Variants in ZNF90 observed in about 807,000 individuals in gnomAD.
The protein encoded by ZNF90 is zinc finger protein 90, also known as zinc finger protein HTF9.
Under a neutral mutation model 12.0 loss-of-function variants are expected in ZNF90, and 11 were observed. The ratio of observed to expected loss-of-function variants is 0.92; its 90% confidence interval spans 0.58 to 1.52. ZNF90 has a LOEUF of 1.52. ZNF90 is among the 40% of genes most tolerant of loss of function. The probability of loss-of-function intolerance (pLI) is 0.00; values close to 1 mark genes in which losing one functional copy is unlikely to be tolerated. For missense variants in ZNF90, 765 were observed against 711.5 expected (o/e 1.08, Z -0.86); for synonymous variants, 232 against 240.1 (o/e 0.97, Z 0.31).
rs186923748 is a variant in ZNF90, at chr19:20,091,872, C to T, written c.4-12367C>T. 3.9e-4 allele frequency among the ~76,000 whole-genome samples: 60 copies of T among 152,248 alleles called. No individual in the cohort carries two copies. In the East Asian group the frequency reaches 0.01, roughly 26 times the overall value. On this transcript the variant is annotated intron_variant, in intron 1 of 3. Transcript: ENST00000418063. Reference sequence around the variant, plus strand: ...AGGGCTTGAGTTAAGGTAACTAGTTCGGCTTGCTGAGAGGTAGTGGAGGGA... The same window carrying T: ...AGGGCTTGAGTTAAGGTAACTAGTTTGGCTTGCTGAGAGGTAGTGGAGGGA...
At chr19:20,117,382 CTT>C (rs2089147801) in intron 3 of ZNF90, among the ~76,000 whole-genome samples, 1 of 126,312 alleles carries the variant, frequency 7.9e-6, no homozygotes, top group Admixed American at 7.9e-5. Context: ...TTTTTCCTTT[CTT>C]TTCTTTTCTT....
Position 20,078,125 on chromosome 19 carries a change from G to A in ZNF90, c.-8G>A, listed in dbSNP as rs573066169. 5 of 1,614,036 alleles carry A rather than the reference G, an allele frequency of 3.1e-6. No homozygotes were observed. Among genetic ancestry groups the A allele is most frequent in the Non-Finnish European group, 2.5e-6 (3 of 1,180,026 alleles). ...ATCCACAGCTGAGGGACCCCCGGAA[G>A]CCTAGAAATGGTGAGAGTGCCTTTC... On this transcript the variant is annotated 5_prime_UTR_variant, in exon 1 of 4. Transcript: ENST00000418063.
chr19:20,094,504 G>A (rs962969510), intron 1 of ZNF90, among the ~76,000 whole-genome samples: 3 of 152,156 alleles, frequency 2.0e-5, no homozygotes, highest in Non-Finnish European at 4.4e-5. Context: ...TAACAGCTTT[G>A]TAAGCTGCTT....
intron 1 of ZNF90, among the ~76,000 whole-genome samples, chr19:20,091,514 T>C (rs1486103525): frequency 6.6e-6 from 1 of 151,312 alleles, no homozygotes; most frequent in African/African-American, 2.4e-5. Flanking sequence ...CGTGGGGGAG[T>C]AGGTGGGAGT....
intron 1 of ZNF90, among the ~76,000 whole-genome samples, chr19:20,088,356 T>C (rs1424705055): frequency 6.6e-6 from 1 of 151,904 alleles, no homozygotes; most frequent in Non-Finnish European, 1.5e-5. Flanking sequence ...AGAAGAAACA[T>C]TTGTCGTATA....
rs2089186586 is a variant in ZNF90, at chr19:20,120,556, G to A, written c.*1196G>A. Among the ~76,000 whole-genome samples, 1 of 151,932 alleles carries A rather than the reference G, an allele frequency of 6.6e-6. No individual in the cohort carries two copies. The highest frequency in any genetic ancestry group is 2.4e-5 in the African/African-American group (1 of 41,376). On this transcript the variant is annotated 3_prime_UTR_variant, in exon 4 of 4. Transcript: ENST00000418063. The stretch of plus-strand genomic sequence containing the variant: ...ACTACAGCTTAGAAAACACCAGAGA[G>A]TTGATACTAAAATATATGTTTGCAG...
intron 1 of ZNF90, among the ~76,000 whole-genome samples, chr19:20,078,671 C>G (rs1174442145): frequency 6.6e-6 from 1 of 152,004 alleles, no homozygotes; most frequent in Non-Finnish European, 1.5e-5. Context: ...AGTTGTAAAT[C>G]ACCCCTACCC....
Position 20,110,497 on chromosome 19 carries a change from G to A in ZNF90, c.226+5181G>A, listed in dbSNP as rs528979264. 4.6e-5 allele frequency among the ~76,000 whole-genome samples: 7 copies of A among 152,072 alleles called. No homozygotes were observed. The East Asian group carries it at 5.8e-4, about 13-fold the overall frequency. On this transcript the variant is annotated intron_variant, in intron 3 of 3. Transcript: ENST00000418063. ...GCCAGGCTGGTCTCAGACTCCTGAC[G>A]TCAGGTGATCTGCCCCCTCAGCCTC...
chr19:20,104,208 A>C (rs1253566930), intron 1 of ZNF90, 31 bp from the exon 2 acceptor site: 2 of 1,610,704 alleles, frequency 1.2e-6, no homozygotes, highest in Non-Finnish European at 1.7e-6. Flanking sequence ...CACTTGGTAA[A>C]AATGTGTGTG....
chr19:20,113,183 T>C lies in ZNF90; in HGVS notation c.227-4598T>C, dbSNP rs1821272. 1.4e-3 allele frequency among the ~76,000 whole-genome samples: 206 copies of C among 151,572 alleles called. 1 individual carries two copies. Among genetic ancestry groups the C allele is most frequent in the Non-Finnish European group, 2.1e-3 (145 of 67,792 alleles). ...GTTTGTTGTAACGGTTTTTTATTTT[T>C]TTTTCTTTTTTTTTTCTCCTTTGAG... On this transcript the variant is annotated intron_variant, in intron 3 of 3. Transcript: ENST00000418063.
At chr19:20,107,058 G>A (rs551323998) in intron 3 of ZNF90, 1 of 451,856 alleles carries the variant, frequency 2.2e-6, no homozygotes, top group Non-Finnish European at 4.4e-6. Context: ...GTATGGCTCT[G>A]ACTGAGTACC....
At chr19:20,083,083 C>T (rs1212172050) in intron 1 of ZNF90, among the ~76,000 whole-genome samples, 1 of 152,148 alleles carries the variant, frequency 6.6e-6, no homozygotes, top group African/African-American at 2.4e-5. Flanking sequence ...CCCTATTGTC[C>T]TGCCACATCT....
chr19:20,097,816 A>T (rs907074865), intron 1 of ZNF90, among the ~76,000 whole-genome samples: 26 of 152,248 alleles, frequency 1.7e-4, no homozygotes, highest in Admixed American at 1.7e-3. Flanking sequence ...AATTGCCACA[A>T]GTAGTTATAA....
intron 1 of ZNF90, among the ~76,000 whole-genome samples, chr19:20,083,416 C>T (rs1249501667): frequency 6.6e-6 from 1 of 152,020 alleles, no homozygotes; most frequent in African/African-American, 2.4e-5. Flanking sequence ...CAACCTTTGA[C>T]TCCTGGGTTC....
At chr19:20,078,335 C>T (rs528642699) in intron 1 of ZNF90, among the ~76,000 whole-genome samples, 200 bp downstream of exon 1, 3 of 152,298 alleles carry the variant, frequency 2.0e-5, no homozygotes, top group Admixed American at 6.5e-5. Flanking sequence ...CGTCCTGTCT[C>T]TTCCCTGCCC....
At chr19:20,096,669 G>GGGCA (rs1420797005) in intron 1 of ZNF90, among the ~76,000 whole-genome samples, 5 of 152,240 alleles carry the variant, frequency 3.3e-5, no homozygotes, top group African/African-American at 1.2e-4. Flanking sequence ...AGTTAAGGTG[G>GGGCA]GGCAGGGCAT....
At chr19:20,100,207 C>G (rs1205923146) in intron 1 of ZNF90, among the ~76,000 whole-genome samples, 1 of 152,176 alleles carries the variant, frequency 6.6e-6, no homozygotes, top group African/African-American at 2.4e-5. Context: ...AGGAAAAATA[C>G]TTTTGCCTGC....
At chr19:20,090,299 C>T (rs553878709) in intron 1 of ZNF90, among the ~76,000 whole-genome samples, 2,281 of 151,772 alleles carry the variant, frequency 0.015, 53 homozygotes, top group African/African-American at 0.052. Context: ...AGGGTAAGGA[C>T]GAACAGACCT....
At chr19:20,104,135 C>A in intron 1 of ZNF90, 104 bp from the exon 2 acceptor site, 2 of 1,520,788 alleles carry the variant, frequency 1.3e-6, no homozygotes, top group South Asian at 2.5e-5. Context: ...TCTTGTAAGT[C>A]AGAACCAATT....
Sources: gnomAD v4.1 joint callset for allele counts (sites outside exome capture counted in the v4.1 genomes callset) on GRCh38, gnomAD v4.1.1 for gene constraint, MANE v1.5 for transcripts, NCBI Gene and HGNC (gene_info 2026-07-23, HGNC 2026-07-21) for gene names.